RNF17: variants seen among roughly 807,000 people sequenced by gnomAD.
RNF17 encodes spermatogenesis associated 23.
A neutral mutation model predicts 200.5 loss-of-function variants in RNF17; 31 were observed. The observed-to-expected ratio is 0.15, with a 90% CI of 0.12 to 0.21. The LOEUF is 0.21. RNF17 is among the 10% of genes least tolerant of loss of function. The pLI is 1.00. For synonymous variants in RNF17, 606 were observed against 637.8 expected (o/e 0.95, Z 0.75); for missense variants, 1,628 against 1,905.1 (o/e 0.85, Z 2.71).
At chr13:24,829,183 C>A (rs1188940987) in intron 16 of RNF17, among the ~76,000 whole-genome samples, 1 of 152,152 alleles carries the variant, frequency 6.6e-6, no homozygotes, top group East Asian at 1.9e-4. Context: ...CTATACACTT[C>A]ATTGTCCTCC....
downstream of RNF17, chr13:24,884,403 C>G (rs763097118): frequency 3.7e-6 from 6 of 1,613,946 alleles, no homozygotes; most frequent in Non-Finnish European, 5.1e-6. Flanking sequence ...GCACTCACTT[C>G]CTTTCGAGTT....
chr13:24,749,618 G>A, the RNF17 span, among the ~76,000 whole-genome samples: 1 of 152,194 alleles, frequency 6.6e-6, no homozygotes, highest in Admixed American at 6.5e-5. Context: ...TGAGATCATT[G>A]AGTTGGACCC....
chr13:24,794,387 TC>T (rs1884276857), intron 10 of RNF17: 1 of 332,798 alleles, frequency 3.0e-6, no homozygotes, highest in Non-Finnish European at 5.9e-6. Context: ...AAGTTTTAAT[TC>T]CGGGGCCAGA....
At chr13:24,815,428 G>GGTGTGTGTGTGT (rs60054136) in intron 15 of RNF17, among the ~76,000 whole-genome samples, 17 of 144,100 alleles carry the variant, frequency 1.2e-4, no homozygotes, top group African/African-American at 3.6e-4. Context: ...GCCCTAACGG[G>GGTGTGTGTGTGT]GTGTGTGTGT....
the RNF17 span, among the ~76,000 whole-genome samples, chr13:24,752,486 TCCCA>T: frequency 1.3e-5 from 2 of 152,162 alleles, no homozygotes; most frequent in African/African-American, 4.8e-5. Context: ...GTGGAGCAAG[TCCCA>T]CACTGCGTGA....
chr13:24,757,765 C>T, the RNF17 span, among the ~76,000 whole-genome samples: 3 of 152,206 alleles, frequency 2.0e-5, no homozygotes, highest in Non-Finnish European at 4.4e-5. Context: ...ATAATGCTTT[C>T]TGTATTTCCT....
chr13:24,855,596 C>G (rs2138260815), intron 25 of RNF17, among the ~76,000 whole-genome samples: 1 of 151,782 alleles, frequency 6.6e-6, no homozygotes, highest in East Asian at 1.9e-4. Flanking sequence ...CCACTGCTTT[C>G]CAGCCTGGAC....
At chr13:24,857,533 A>G (rs1305512276) in intron 25 of RNF17, among the ~76,000 whole-genome samples, 1 of 152,136 alleles carries the variant, frequency 6.6e-6, no homozygotes, top group Non-Finnish European at 1.5e-5. Flanking sequence ...TGGCACTAAG[A>G]TGCTGGGGGT....
downstream of RNF17, chr13:24,884,471 A>G (rs1475567769): frequency 1.2e-6 from 2 of 1,613,956 alleles, no homozygotes; most frequent in South Asian, 2.2e-5. Flanking sequence ...CACCTAAAAA[A>G]CCAACACAAG....
intron 25 of RNF17, among the ~76,000 whole-genome samples, chr13:24,855,629 T>TA (rs1043754821): frequency 0.015 from 2,192 of 142,410 alleles, 34 homozygotes; most frequent in African/African-American, 0.037. Flanking sequence ...GAGACTCCAT[T>TA]AAAAAAAAAA....
intron 2 of RNF17, among the ~76,000 whole-genome samples, chr13:24,773,315 T>C (rs1018316907): frequency 4.6e-5 from 7 of 152,216 alleles, no homozygotes; most frequent in African/African-American, 7.2e-5. Flanking sequence ...CGTCCCATCA[T>C]TGGTGGGTTG....
At position 24,861,282 on chromosome 13, in the gene RNF17, T is replaced by A; in HGVS notation, c.3789T>A (p.Asp1263Glu). The A allele has an allele frequency of 6.3e-7, 1 of 1,594,204 alleles. No homozygotes were observed. Among genetic ancestry groups the A allele is most frequent in the Non-Finnish European group, 8.6e-7 (1 of 1,168,188 alleles). The change falls in exon 27 of 36, where the codon GAT becomes GAA. Residue 1263 changes from aspartate (D) to glutamate (E), a missense_variant. Physicochemically the swap from Asp to Glu is conservative, Grantham distance 45. Around this residue, in one of 5 missense-constraint regions of RNF17, gnomAD observed 609 missense variants for 681.9 expected, o/e 0.89. Coordinates refer to ENST00000255324, the MANE Select transcript of RNF17 (RefSeq NM_031277.3). The part of the protein sequence containing the change: ...VGGAVRVQYL[D>E]HGFTEKIPQC... ...TCGTGTTTCAGGTACAATATTTAGA[T>A]CATGGATTCACTGAAAAGATTCCGC...
intron 6 of RNF17, 76 bp downstream of exon 6, chr13:24,782,020 G>A: frequency 1.1e-6 from 1 of 944,944 alleles, no homozygotes; most frequent in Non-Finnish European, 1.7e-6. Flanking sequence ...CCTTTGTTTA[G>A]AATGGTAATG....
chr13:24,881,037 G>A (rs916979185), downstream of RNF17, among the ~76,000 whole-genome samples: 5 of 151,160 alleles, frequency 3.3e-5, no homozygotes, highest in Admixed American at 6.6e-5. Flanking sequence ...TTACTGATTT[G>A]TAGAAACAAT....
intron 30 of RNF17, 132 bp downstream of exon 30, chr13:24,866,335 C>A: frequency 1.8e-6 from 1 of 547,360 alleles, no homozygotes. Context: ...ATTGAATATA[C>A]AGTTCAGTGT....
intron 27 of RNF17, 151 bp downstream of exon 27, chr13:24,861,538 G>A (rs1228606952): frequency 2.0e-6 from 1 of 490,712 alleles, no homozygotes; most frequent in East Asian, 4.0e-5. Context: ...CAGCTAAACA[G>A]CCTTTATGAA....
chr13:24,807,574 A>C (rs1286580789), intron 15 of RNF17, among the ~76,000 whole-genome samples: 1 of 151,816 alleles, frequency 6.6e-6, no homozygotes, highest in Non-Finnish European at 1.5e-5. Flanking sequence ...GGTTGCGAAA[A>C]TTTTCTCCCA....
intron 1 of RNF17, 69 bp downstream of exon 1, chr13:24,764,402 G>A (rs546193702): frequency 1.3e-6 from 2 of 1,490,990 alleles, no homozygotes; most frequent in South Asian, 2.6e-5. Context: ...AGGTGAGCTG[G>A]TGGGCGCGTG....
At chr13:24,779,262 C>G (rs1218294204) in intron 4 of RNF17, among the ~76,000 whole-genome samples, 3 of 151,974 alleles carry the variant, frequency 2.0e-5, no homozygotes, top group Non-Finnish European at 4.4e-5. Context: ...CTTAATCTTG[C>G]TGACTTTTCC....
Sources: gnomAD v4.1 joint callset for allele counts (sites outside exome capture counted in the v4.1 genomes callset) on GRCh38, gnomAD v4.1.1 for gene constraint, gnomAD v4.1.1 regional missense constraint, MANE v1.5 for transcripts, NCBI Gene and HGNC (gene_info 2026-07-23, HGNC 2026-07-21) for gene names.